The following SCYL3 variants were observed in gnomAD, a reference collection of about 807,000 sequenced individuals.
SCYL3 encodes protein-associating with the carboxyl-terminal domain of ezrin.
In SCYL3, 35 loss-of-function variants were observed where a neutral mutation model predicts 73.8. The ratio of observed to expected loss-of-function variants is 0.47; its 90% confidence interval spans 0.36 to 0.63. The LOEUF is 0.63. Among genes scored for constraint, SCYL3 ranks in the 20% least tolerant of loss-of-function variants. The pLI is 0.00. For missense variants in SCYL3, 712 were observed against 798.9 expected, an observed-to-expected ratio of 0.89 and a Z score of 1.31; for synonymous variants, 277 against 295.2, an observed-to-expected ratio of 0.94 and a Z score of 0.63.
At chr1:169,879,683 A>G (rs1303695445) in intron 2 of SCYL3, among the ~76,000 whole-genome samples, 51 of 152,204 alleles carry the variant, frequency 3.4e-4, no homozygotes, top group Admixed American at 3.3e-3. Context: ...ACAAAGAACC[A>G]CAAAAATGTA....
rs966900169 is a variant in SCYL3, at chr1:169,853,523, C to A, written c.*190G>T. The stretch of plus-strand genomic sequence containing the variant: ...CTGGAAACCAGTACTGTGAGCCTCA[C>A]CACCCAGGGCTTTTAGCCAGCACTC... On this transcript the variant is annotated 3_prime_UTR_variant, in exon 13 of 13. Coordinates refer to ENST00000367771, the MANE Select transcript of SCYL3 (RefSeq NM_020423.7). 5.1e-6 allele frequency: 3 copies of A among 593,524 alleles called. No individual in the cohort carries two copies. Among genetic ancestry groups the A allele is most frequent in the East Asian group, 2.8e-5 (1 of 35,384 alleles). The allele number at this position is 593,524 out of a possible 1,614,324, so 36.8% of individuals were successfully genotyped here. A position where few individuals can be genotyped will look rare whatever the true frequency, so the allele number is the denominator to read the frequency against.
At chr1:169,886,695 T>C (rs1289038665) in intron 2 of SCYL3, among the ~76,000 whole-genome samples, 1 of 152,198 alleles carries the variant, frequency 6.6e-6, no homozygotes, top group Non-Finnish European at 1.5e-5. Flanking sequence ...GGCTTACATA[T>C]ATGAGTCATC....
chr1:169,876,284 TTGAA>T (rs1660798886), intron 3 of SCYL3, among the ~76,000 whole-genome samples, 193 bp from the exon 4 acceptor site: 1 of 152,144 alleles, frequency 6.6e-6, no homozygotes, highest in Non-Finnish European at 1.5e-5. Context: ...AAACAACAAA[TTGAA>T]TGAAGTTAGA....
At position 169,850,097 on chromosome 1, in the gene SCYL3, A is replaced by G. The variant is rs925454110; in HGVS notation, c.*3616T>C. 2.4e-5 allele frequency: 14 copies of G among 591,262 alleles called. No individual in the cohort carries two copies. In the Admixed American group the frequency reaches 2.4e-4, roughly 10 times the overall value. The allele number at this position is 591,262 out of a possible 1,614,324, so 36.6% of individuals were successfully genotyped here. ...ACACTTGTACAGAAGTTAATTTTGTATTATCCTTAGGGACCCTGAAGGAAT... is the reference window on the plus strand; with the variant it reads ...ACACTTGTACAGAAGTTAATTTTGTGTTATCCTTAGGGACCCTGAAGGAAT... On this transcript the variant is annotated 3_prime_UTR_variant, in exon 13 of 13. Transcript: ENST00000367771.
In SCYL3 at chr1:169,854,772, ACAT is replaced by A. The variant is rs2102126897; in HGVS notation, c.1502_1504del (p.Asp501del). The A allele has an allele frequency of 5.0e-6, 8 of 1,613,998 alleles. No homozygotes were observed. The highest frequency in any genetic ancestry group is 6.8e-6 in the Non-Finnish European group (8 of 1,179,950). On this transcript the variant is annotated inframe_deletion, in exon 12 of 13. Transcript: ENST00000367771. ...ATCCAAGGTAGTGCACTGGGACTTG[ACAT>A]CATCACAAGGTTCTCTAGGCCAAAT... is the stretch of plus-strand genomic sequence containing the variant.
At chr1:169,884,374 T>C (rs1434293780) in intron 2 of SCYL3, among the ~76,000 whole-genome samples, 1 of 152,128 alleles carries the variant, frequency 6.6e-6, no homozygotes, top group African/African-American at 2.4e-5. Context: ...CTCAGCTCAC[T>C]GCAACCTTCG....
intron 4 of SCYL3, among the ~76,000 whole-genome samples, chr1:169,875,176 A>G (rs768726669): frequency 1.3e-5 from 2 of 152,238 alleles, no homozygotes; most frequent in Non-Finnish European, 1.5e-5. Flanking sequence ...TACACGTTAG[A>G]CATGGCCCAA....
At chr1:169,875,956 G>A in intron 4 of SCYL3, 22 bp downstream of exon 4, 2 of 1,507,978 alleles carry the variant, frequency 1.3e-6, no homozygotes, top group Non-Finnish European at 1.8e-6. Context: ...AAGTAAGGAA[G>A]GGGGGCTGTC....
At chr1:169,866,716 T>C (rs1339973273) in intron 8 of SCYL3, among the ~76,000 whole-genome samples, 180 bp downstream of exon 8, 1 of 152,232 alleles carries the variant, frequency 6.6e-6, no homozygotes, top group Non-Finnish European at 1.5e-5. Context: ...TCTGGGTATC[T>C]ATTTCTTTCA....
intron 3 of SCYL3, among the ~76,000 whole-genome samples, chr1:169,877,345 A>G (rs1486430133): frequency 6.6e-6 from 1 of 151,796 alleles, no homozygotes; most frequent in Non-Finnish European, 1.5e-5. Context: ...TTTTGTAGAG[A>G]TAGGGTCTTG....
chr1:169,856,102 A>G, intron 11 of SCYL3: 2 of 712,944 alleles, frequency 2.8e-6, no homozygotes, highest in Non-Finnish European at 4.5e-6. Flanking sequence ...ATCTTCAAAC[A>G]TTTGAAGACA....
At position 169,854,417 on chromosome 1, in the gene SCYL3, A is replaced by G. The variant is rs146581982; in HGVS notation, c.1860T>C (p.Asp620=). The change falls in exon 12 of 13, where the codon GAT becomes GAC. Residue 620 remains aspartate, a synonymous_variant. Coordinates refer to ENST00000367771, the MANE Select transcript of SCYL3 (RefSeq NM_020423.7). ...KKKPVKDPEM[D]WFADMIPEIK... The stretch of plus-strand genomic sequence containing the variant: ...TTTCTGGGATCATATCAGCAAACCA[A>G]TCCATCTCAGGATCTTTTACTGGCT... The G allele has an allele frequency of 3.7e-5, 60 of 1,613,960 alleles. No individual in the cohort carries two copies. Among genetic ancestry groups the G allele is most frequent in the Middle Eastern group, 1.6e-4 (1 of 6,082 alleles).
At position 169,861,852 on chromosome 1, in the gene SCYL3, A is replaced by G. The variant is rs559766494; in HGVS notation, c.1140+761T>C. 5.2e-4 allele frequency among the ~76,000 whole-genome samples: 79 copies of G among 152,322 alleles called. 4 individuals are homozygous for G. The South Asian group carries it at 0.016, about 31-fold the overall frequency. ...CCTTTAGATGAGGTCATACTGGGTT[A>G]GGGTAGGCCATAAATTCAATGACTG... On this transcript the variant is annotated intron_variant, in intron 10 of 12. Coordinates refer to ENST00000367771, the MANE Select transcript of SCYL3 (RefSeq NM_020423.7).
intron 2 of SCYL3, among the ~76,000 whole-genome samples, chr1:169,883,961 C>T (rs920752532): frequency 2.0e-5 from 3 of 151,912 alleles, no homozygotes; most frequent in African/African-American, 7.3e-5. Flanking sequence ...ACCTTGTGAT[C>T]CACCCACCTC....
Position 169,852,989 on chromosome 1 carries a change from A to G in SCYL3, c.*724T>C, listed in dbSNP as rs776598680. The G allele has an allele frequency of 3.1e-6, 5 of 1,611,302 alleles. No individual in the cohort carries two copies. The highest frequency in any genetic ancestry group is 2.5e-6 in the Non-Finnish European group (3 of 1,179,722). Reference sequence around the variant, plus strand: ...CGTTACATACATACTCTAGGGTGAAACTTATCACTAGGCAGAACTGGGTTT... The same window carrying G: ...CGTTACATACATACTCTAGGGTGAAGCTTATCACTAGGCAGAACTGGGTTT... On this transcript the variant is annotated 3_prime_UTR_variant, in exon 13 of 13. Transcript: ENST00000367771.
intron 8 of SCYL3, among the ~76,000 whole-genome samples, chr1:169,866,587 T>TTCA (rs1660045807): frequency 6.6e-6 from 1 of 152,236 alleles, no homozygotes; most frequent in Admixed American, 6.5e-5. Context: ...TGTGCATTTG[T>TTCA]TCATGTTGCC....
chr1:169,871,348 T>C (rs1660377423), intron 5 of SCYL3, among the ~76,000 whole-genome samples: 1 of 152,106 alleles, frequency 6.6e-6, no homozygotes, highest in African/African-American at 2.4e-5. Flanking sequence ...CTGATGGCTT[T>C]AAAAAAGGGG....
At chr1:169,886,808 G>C (rs1661716576) in intron 2 of SCYL3, among the ~76,000 whole-genome samples, 1 of 152,188 alleles carries the variant, frequency 6.6e-6, no homozygotes, top group Non-Finnish European at 1.5e-5. Flanking sequence ...TTTGTGGCCA[G>C]AGCTTATACC....
At chr1:169,871,699 G>C (rs1366940390) in intron 5 of SCYL3, among the ~76,000 whole-genome samples, 1 of 152,188 alleles carries the variant, frequency 6.6e-6, no homozygotes, top group African/African-American at 2.4e-5. Flanking sequence ...CAAAAATGCT[G>C]CTAGTGATAT....
Sources: gnomAD v4.1 joint callset for allele counts (sites outside exome capture counted in the v4.1 genomes callset) on GRCh38, gnomAD v4.1.1 for gene constraint, MANE v1.5 for transcripts, NCBI Gene and HGNC (gene_info 2026-07-23, HGNC 2026-07-21) for gene names.